SLC44A5: variants seen among roughly 807,000 people sequenced by gnomAD.
SLC44A5 encodes solute carrier family 44 member 5.
In SLC44A5, 57 loss-of-function variants were observed where a neutral mutation model predicts 101.8. The observed-to-expected ratio is 0.56, with a 90% confidence interval of 0.45 to 0.70. SLC44A5 has a LOEUF of 0.70. SLC44A5 is among the 30% of genes least tolerant of loss of function. SLC44A5 has a pLI of 0.00. For missense variants in SLC44A5, 737 were observed against 853.1 expected, an observed-to-expected ratio of 0.86 and a Z score of 1.70; for synonymous variants, 281 against 290.9, an observed-to-expected ratio of 0.97 and a Z score of 0.35.
At chr1:75,241,938 G>T in intron 9 of SLC44A5, 63 bp downstream of exon 9, 1 of 1,387,122 alleles carries the variant, frequency 7.2e-7, no homozygotes, top group Non-Finnish European at 1.0e-6. Context: ...TGAAATACGG[G>T]AACTTAATTA....
chr1:75,431,730 A>G (rs750999991), intron 2 of SLC44A5, among the ~76,000 whole-genome samples: 33 of 152,198 alleles, frequency 2.2e-4, no homozygotes, highest in Non-Finnish European at 4.1e-4. Context: ...TGAGAAATAT[A>G]CAAGGTTTTT....
the SLC44A5 span, among the ~76,000 whole-genome samples, chr1:75,699,199 T>G: frequency 6.6e-6 from 1 of 151,766 alleles, no homozygotes; most frequent in Non-Finnish European, 1.5e-5. Context: ...GACACATAAT[T>G]GTCAGATTCA....
intron 2 of SLC44A5, among the ~76,000 whole-genome samples, chr1:75,430,821 T>C (rs111586908): frequency 6.6e-6 from 1 of 152,184 alleles, no homozygotes; most frequent in African/African-American, 2.4e-5. Flanking sequence ...GCAATACATT[T>C]TAGAAAGATC....
chr1:75,593,200 A>T (rs754964699), intron 1 of SLC44A5, among the ~76,000 whole-genome samples: 2 of 152,120 alleles, frequency 1.3e-5, no homozygotes, highest in Non-Finnish European at 2.9e-5. Flanking sequence ...CATTTCTCAA[A>T]AGACACAAAA....
At chr1:75,482,149 T>C (rs1216571506) in intron 2 of SLC44A5, among the ~76,000 whole-genome samples, 1 of 151,928 alleles carries the variant, frequency 6.6e-6, no homozygotes, top group Non-Finnish European at 1.5e-5. Context: ...AAATCATCAT[T>C]CTCAGTAAAC....
chr1:75,373,819 C>A (rs1231767933), intron 3 of SLC44A5, among the ~76,000 whole-genome samples: 3 of 152,114 alleles, frequency 2.0e-5, no homozygotes, highest in Non-Finnish European at 2.9e-5. Flanking sequence ...GGCACTCAAC[C>A]CTGAGGGTTC....
In SLC44A5 at chr1:75,238,507, A is replaced by G. The variant is rs1228095158; in HGVS notation, c.656+6T>C. On this transcript the variant is annotated splice_donor_region_variant and intron_variant, in intron 10 of 23. Transcript: ENST00000370859. Reference sequence around the variant, plus strand: ...AAACTGAAAATTAGAATGTAAACACACATACTTTGCAGCAATCCCGAGTTC... The same window carrying G: ...AAACTGAAAATTAGAATGTAAACACGCATACTTTGCAGCAATCCCGAGTTC... The G allele has an allele frequency of 2.5e-6, 4 of 1,588,168 alleles. No individual in the cohort carries two copies. The highest frequency in any genetic ancestry group is 2.6e-6 in the Non-Finnish European group (3 of 1,169,314).
intron 2 of SLC44A5, among the ~76,000 whole-genome samples, chr1:75,522,906 G>A (rs924747919): frequency 6.6e-6 from 1 of 152,166 alleles, no homozygotes; most frequent in African/African-American, 2.4e-5. Flanking sequence ...AAGGTAGAAA[G>A]AAGGAAAGAT....
the SLC44A5 span, among the ~76,000 whole-genome samples, chr1:75,646,442 T>C: frequency 6.6e-6 from 1 of 152,254 alleles, no homozygotes; most frequent in Admixed American, 6.5e-5. Flanking sequence ...TAACGTGACA[T>C]GAGAACCTTC....
chr1:75,704,685 G>T, the SLC44A5 span, among the ~76,000 whole-genome samples: 1 of 152,150 alleles, frequency 6.6e-6, no homozygotes, highest in Non-Finnish European at 1.5e-5. Flanking sequence ...GAAGCATAGT[G>T]TACTACCTTG....
At chr1:75,228,488 T>A (rs1026532678) in intron 12 of SLC44A5, among the ~76,000 whole-genome samples, 1 of 152,080 alleles carries the variant, frequency 6.6e-6, no homozygotes, top group Non-Finnish European at 1.5e-5. Context: ...AATTTGTATG[T>A]GTATATTTTA....
chr1:75,343,879 A>G (rs1221128480), intron 3 of SLC44A5, among the ~76,000 whole-genome samples: 1 of 152,164 alleles, frequency 6.6e-6, no homozygotes, highest in Non-Finnish European at 1.5e-5. Flanking sequence ...AAGTCCCACC[A>G]AATAATAAGG....
rs143219356 is a variant in SLC44A5 at position 75,610,230 on chromosome 1, A to G, written c.-70+810T>C. 6.2e-4 allele frequency among the ~76,000 whole-genome samples: 95 copies of G among 152,084 alleles called. 1 individual carries two copies. The highest frequency in any genetic ancestry group is 6.8e-3 in the Middle Eastern group (2 of 294). ...GAGCTCTTCTTCTCTCTCCATAGGTATATACATATACATACATATACCTAT... is the reference window on the plus strand; with the variant it reads ...GAGCTCTTCTTCTCTCTCCATAGGTGTATACATATACATACATATACCTAT... On this transcript the variant is annotated intron_variant, in intron 1 of 23. Coordinates refer to ENST00000370859, the MANE Select transcript of SLC44A5 (RefSeq NM_001130058.2).
chr1:75,516,535 TA>T (rs1279751017), intron 2 of SLC44A5, among the ~76,000 whole-genome samples: 1 of 151,652 alleles, frequency 6.6e-6, no homozygotes, highest in Non-Finnish European at 1.5e-5. Context: ...AAATTAAAAA[TA>T]AAAAAAATAA....
chr1:75,581,635 T>C (rs1673703436), intron 1 of SLC44A5, among the ~76,000 whole-genome samples: 1 of 152,204 alleles, frequency 6.6e-6, no homozygotes, highest in Admixed American at 6.5e-5. Context: ...GTAGTACTGT[T>C]TGATATTTCT....
chr1:75,720,385 G>C, the SLC44A5 span: 3 of 152,316 alleles, frequency 2.0e-5, no homozygotes, highest in African/African-American at 7.2e-5. Context: ...GAACACCAGG[G>C]AGACGTTCGA....
intron 5 of SLC44A5, among the ~76,000 whole-genome samples, chr1:75,277,255 A>G (rs1371813566): frequency 6.6e-6 from 1 of 152,208 alleles, no homozygotes; most frequent in Non-Finnish European, 1.5e-5. Context: ...ATAGTATAAT[A>G]ATAAGATCTT....
At chr1:75,587,498 T>C (rs1674076351) in intron 1 of SLC44A5, among the ~76,000 whole-genome samples, 1 of 152,190 alleles carries the variant, frequency 6.6e-6, no homozygotes. Context: ...ACCTCGTCAG[T>C]AGCTACTTAA....
chr1:75,239,114 T>C lies in SLC44A5; in HGVS notation c.533-478A>G, dbSNP rs17096521. Reference sequence around the variant, plus strand: ...AGAACCAGCTCAAATTTTAGGCTACTAAAACAACTAAATTTTTGTCTGTGA... The same window carrying C: ...AGAACCAGCTCAAATTTTAGGCTACCAAAACAACTAAATTTTTGTCTGTGA... On this transcript the variant is annotated intron_variant, in intron 9 of 23. Coordinates refer to ENST00000370859, the MANE Select transcript of SLC44A5 (RefSeq NM_001130058.2). Among the ~76,000 whole-genome samples, 1,357 of 152,218 alleles carry C rather than the reference T, an allele frequency of 8.9e-3. 33 individuals carry two copies. Among genetic ancestry groups the C allele is most frequent in the African/African-American group, 0.031 (1,288 of 41,552 alleles).
Sources: allele counts gnomAD v4.1 joint callset (sites outside exome capture counted in the v4.1 genomes callset), GRCh38; gene constraint gnomAD v4.1.1; transcripts MANE v1.5; gene names NCBI Gene and HGNC (gene_info 2026-07-23, HGNC 2026-07-21).